ASB15: variants seen among roughly 807,000 people sequenced by gnomAD.
ASB15 encodes the protein ankyrin repeat and SOCS box protein 15.
In ASB15, 54 loss-of-function variants were observed where a neutral mutation model predicts 58.0. The observed-to-expected ratio is 0.93, with a 90% CI of 0.75 to 1.17. The LOEUF is 1.17. Ranked by LOEUF, ASB15 falls within the 50% of genes most tolerant of loss-of-function variation. The pLI, the probability that ASB15 is intolerant of heterozygous loss-of-function variation, is 0.00. For synonymous variants in ASB15, 249 were observed against 262.4 expected (o/e 0.95, Z 0.50); for missense variants, 680 against 707.4 (o/e 0.96, Z 0.44).
chr7:123,619,331 G>T (rs865804229), intron 7 of ASB15, among the ~76,000 whole-genome samples: 3 of 151,948 alleles, frequency 2.0e-5, no homozygotes, highest in Non-Finnish European at 4.4e-5. Context: ...TGTTATAAGT[G>T]CTATAATAAA....
rs554120285 is a variant in ASB15, at chr7:123,585,115, T to TA, written c.-443+18028dup. Reference sequence around the variant, plus strand: ...CAGTAAAGGAAAAGACCAATATACGTATGTGTTAGCATTTCCATGACTTTG... The same window carrying TA: ...CAGTAAAGGAAAAGACCAATATACGTAATGTGTTAGCATTTCCATGACTTTG... On this transcript the variant is annotated intron_variant, in intron 1 of 13. Coordinates refer to the ASB15 transcript ENST00000451558. The TA allele has an allele frequency of 5.4e-3, 825 of 151,926 alleles. 8 individuals are homozygous for TA. The highest frequency in any genetic ancestry group is 0.019 in the African/African-American group (792 of 41,506). 9.4% of individuals were successfully genotyped at this position (151,926 alleles called of 1,614,324 possible).
At chr7:123,596,454 A>T (rs531926054) in intron 1 of ASB15, 24 of 152,134 alleles carry the variant, frequency 1.6e-4, no homozygotes, top group African/African-American at 5.8e-4. Flanking sequence ...AAAGAAATAA[A>T]AAAAAAAATT....
At chr7:123,623,988 AAAGAAAG>A (rs1460679979) in intron 7 of ASB15, among the ~76,000 whole-genome samples, 12 of 150,928 alleles carry the variant, frequency 8.0e-5, no homozygotes, top group African/African-American at 2.4e-4. Context: ...AGAAAGAAAG[AAAGAAAG>A]AGAAAGGAAA....
chr7:123,602,014 G>T (rs1240717918), intron 1 of ASB15, 100 bp downstream of exon 1: 7 of 152,120 alleles, frequency 4.6e-5, no homozygotes, highest in African/African-American at 1.7e-4. Flanking sequence ...AATTATAGTA[G>T]CTACTCATTA....
At chr7:123,572,823 A>G (rs549760409) in intron 1 of ASB15, among the ~76,000 whole-genome samples, 2 of 150,196 alleles carry the variant, frequency 1.3e-5, no homozygotes, top group South Asian at 4.3e-4. Context: ...AGGTATTTAT[A>G]TTTTCCATCT....
intron 1 of ASB15, among the ~76,000 whole-genome samples, chr7:123,584,299 A>C (rs1799315062): frequency 8.0e-6 from 1 of 124,834 alleles, no homozygotes; most frequent in Non-Finnish European, 1.7e-5. Flanking sequence ...TGACACAGAA[A>C]GGCCTTGTCA....
chr7:123,629,471 A>G, intron 10 of ASB15, 37 bp downstream of exon 10: 1 of 1,458,778 alleles, frequency 6.9e-7, no homozygotes, highest in Non-Finnish European at 9.3e-7. Context: ...TTGAGTTATC[A>G]TCCTAATTTA....
In ASB15 at chr7:123,628,954, T is replaced by G. The variant is rs369948875; in HGVS notation, c.960T>G (p.Asn320Lys). The change falls in exon 10 of 12, where the codon AAT becomes AAG. Residue 320 changes from asparagine to lysine, a missense_variant. By Grantham distance (94) the Asn-to-Lys change is moderately conservative. Coordinates refer to ENST00000451215, the MANE Select transcript of ASB15 (RefSeq NM_001290258.2). ...TPIHSAADGQ[N>K]AQCLELLIEN... ...TTCACTCAGCAGCAGATGGACAAAA[T>G]GCACAGTGTCTAGAACTGCTCATTG... 6.2e-7 allele frequency: 1 copy of G among 1,610,756 alleles called. No individual in the cohort carries two copies. Among genetic ancestry groups the G allele is most frequent in the East Asian group, 2.2e-5 (1 of 44,834 alleles).
chr7:123,631,864 G>A (rs1020895676), intron 11 of ASB15, among the ~76,000 whole-genome samples: 7 of 152,092 alleles, frequency 4.6e-5, no homozygotes, highest in African/African-American at 1.7e-4. Context: ...GGATCACGAG[G>A]TCAGGAGATC....
At chr7:123,580,248 T>C (rs1286861661) in intron 1 of ASB15, among the ~76,000 whole-genome samples, 2 of 152,042 alleles carry the variant, frequency 1.3e-5, no homozygotes, top group African/African-American at 2.4e-5. Context: ...ACAGGAGTTA[T>C]GCTAAGGTGG....
At position 123,624,181 on chromosome 7, in the gene ASB15, A is replaced by G. The variant is rs1584804132; in HGVS notation, c.452-388A>G. On this transcript the variant is annotated intron_variant, in intron 7 of 11. Coordinates refer to ENST00000451215, the MANE Select transcript of ASB15 (RefSeq NM_001290258.2). The stretch of plus-strand genomic sequence containing the variant: ...GCCAGTTACTGAGCTCCTGTTATGT[A>G]CTAGGTACTACACTGAGAATTTTAC... Among the ~76,000 whole-genome samples the G allele has an allele frequency of 5.3e-5, 8 of 152,274 alleles. No homozygotes were observed. The South Asian group carries it at 1.4e-3, about 28-fold the overall frequency.
At chr7:123,592,868 G>A (rs533994192) in intron 1 of ASB15, among the ~76,000 whole-genome samples, 35 of 151,758 alleles carry the variant, frequency 2.3e-4, no homozygotes, top group African/African-American at 7.8e-4. Context: ...TTGACAGTGC[G>A]GTATTAAAGT....
intron 4 of ASB15, chr7:123,615,168 C>T (rs147283131): frequency 6.6e-6 from 1 of 152,032 alleles, no homozygotes; most frequent in African/African-American, 2.4e-5. Flanking sequence ...TATCTACTAC[C>T]CAAATGACAA....
At chr7:123,617,773 G>T in intron 7 of ASB15, 36 bp downstream of exon 7, 1 of 1,552,442 alleles carries the variant, frequency 6.4e-7, no homozygotes, top group Non-Finnish European at 8.8e-7. Flanking sequence ...TTTATAGTTT[G>T]AAACAAAGAA....
intron 1 of ASB15, among the ~76,000 whole-genome samples, chr7:123,574,943 CAT>C (rs917854916): frequency 7.0e-6 from 1 of 141,882 alleles, no homozygotes; most frequent in African/African-American, 2.5e-5. Context: ...ATTTAAGACA[CAT>C]AGGGGAGAAA....
intron 1 of ASB15, among the ~76,000 whole-genome samples, chr7:123,572,409 G>T (rs1318001953): frequency 6.6e-6 from 1 of 151,888 alleles, no homozygotes; most frequent in African/African-American, 2.4e-5. Flanking sequence ...AAAGTACTGG[G>T]ATTACAGGCA....
At chr7:123,632,291 A>G (rs534524655) in intron 11 of ASB15, among the ~76,000 whole-genome samples, 10 of 152,322 alleles carry the variant, frequency 6.6e-5, no homozygotes, top group South Asian at 6.2e-4. Flanking sequence ...AATAAAAATT[A>G]GAAAAAATTA....
chr7:123,618,476 G>A (rs1328318669), intron 7 of ASB15, among the ~76,000 whole-genome samples: 1 of 152,098 alleles, frequency 6.6e-6, no homozygotes, highest in African/African-American at 2.4e-5. Flanking sequence ...GTTTTCTCAA[G>A]TATAAAATGG....
At chr7:123,624,415 A>G in intron 7 of ASB15, 154 bp from the exon 8 acceptor site, 1 of 702,176 alleles carries the variant, frequency 1.4e-6, no homozygotes, top group Non-Finnish European at 2.3e-6. Flanking sequence ...TGGGTATGAG[A>G]AACAGAAGGG....
Sources: gnomAD v4.1 joint callset for allele counts (sites outside exome capture counted in the v4.1 genomes callset) on GRCh38, gnomAD v4.1.1 for gene constraint, MANE v1.5 for transcripts, NCBI Gene and HGNC (gene_info 2026-07-23, HGNC 2026-07-21) for gene names.